SNW1: variants seen among roughly 807,000 people sequenced by gnomAD.
SNW1 encodes SNW domain containing 1, also known as SNW domain-containing protein 1.
Under a neutral mutation model 75.6 loss-of-function variants are expected in SNW1, and 9 were observed. The ratio of observed to expected loss-of-function variants is 0.12; its 90% CI spans 0.07 to 0.21. The LOEUF is 0.21. Ranked by LOEUF, SNW1 falls within the 10% of genes least tolerant of loss-of-function variation. The pLI, the probability that SNW1 is intolerant of heterozygous loss-of-function variation, is 1.00. For missense variants in SNW1, 409 were observed against 670.9 expected (o/e 0.61, Z 4.31); for synonymous variants, 200 against 219.1 (o/e 0.91, Z 0.77).
intron 3 of SNW1, among the ~76,000 whole-genome samples, chr14:77,744,345 C>T (rs1430667596): frequency 2.1e-5 from 3 of 145,884 alleles, no homozygotes; most frequent in African/African-American, 2.5e-5. Context: ...ATCCCAGCTA[C>T]GTGGGATGGT....
intron 2 of SNW1, 25 bp downstream of exon 2, chr14:77,754,942 A>C: frequency 6.5e-7 from 1 of 1,537,314 alleles, no homozygotes; most frequent in South Asian, 1.2e-5. Flanking sequence ...AATTTAACAA[A>C]TCTAAACTTA....
intron 10 of SNW1, among the ~76,000 whole-genome samples, chr14:77,728,232 C>T (rs1459081832): frequency 1.3e-5 from 2 of 152,038 alleles, no homozygotes; most frequent in African/African-American, 4.8e-5. Context: ...GGTGGATCAC[C>T]TGAGGTCAGG....
chr14:77,727,738 T>C (rs1207941526), intron 10 of SNW1, among the ~76,000 whole-genome samples: 2 of 152,224 alleles, frequency 1.3e-5, no homozygotes, highest in African/African-American at 2.4e-5. Context: ...GGATGAAGGA[T>C]AGTTCAGTTG....
intron 11 of SNW1, chr14:77,722,836 A>ATTT: frequency 5.3e-6 from 2 of 374,092 alleles, no homozygotes; most frequent in East Asian, 7.8e-5. Context: ...ATTGGTACAT[A>ATTT]TCTTTTTTTT....
At chr14:77,737,198 A>T (rs149746562) in intron 5 of SNW1, 123 bp from the exon 6 acceptor site, 3 of 645,632 alleles carry the variant, frequency 4.6e-6, no homozygotes, top group Non-Finnish European at 5.5e-6. Context: ...TTAACAGAAA[A>T]TTAACAAAAT....
intron 1 of SNW1, among the ~76,000 whole-genome samples, chr14:77,757,859 A>G (rs1312959949): frequency 6.6e-6 from 1 of 152,144 alleles, no homozygotes. Context: ...ATCTTTTCTT[A>G]AACAAGCCAT....
chr14:77,747,826 C>T (rs1416399293), intron 3 of SNW1, among the ~76,000 whole-genome samples: 32 of 125,848 alleles, frequency 2.5e-4, no homozygotes, highest in Non-Finnish European at 4.6e-4. Context: ...CCGCCCCATC[C>T]GGGAGGTGGG....
intron 3 of SNW1, among the ~76,000 whole-genome samples, chr14:77,746,676 C>T (rs754964520): frequency 2.0e-5 from 3 of 151,130 alleles, no homozygotes; most frequent in Non-Finnish European, 2.9e-5. Flanking sequence ...AACCATGCCA[C>T]GGAATCCTAT....
chr14:77,760,960 G>C, intron 1 of SNW1, 154 bp downstream of exon 1: 4 of 1,559,054 alleles, frequency 2.6e-6, no homozygotes, highest in Non-Finnish European at 3.5e-6. Context: ...AGGCCTAGTC[G>C]TAGCGGCGGC....
chr14:77,759,583 A>T (rs1056285128), intron 1 of SNW1, among the ~76,000 whole-genome samples: 12 of 152,158 alleles, frequency 7.9e-5, no homozygotes, highest in African/African-American at 2.9e-4. Flanking sequence ...TTCAAATTCC[A>T]CCTTTTCCAC....
chr14:77,742,273 C>T (rs915349353), intron 3 of SNW1, among the ~76,000 whole-genome samples: 14 of 151,910 alleles, frequency 9.2e-5, no homozygotes, highest in African/African-American at 2.9e-4. Flanking sequence ...TGACCTCAGG[C>T]GATCCACCCG....
chr14:77,748,685 T>A (rs1206540544), intron 3 of SNW1, among the ~76,000 whole-genome samples: 1 of 152,034 alleles, frequency 6.6e-6, no homozygotes, highest in African/African-American at 2.4e-5. Flanking sequence ...CCTCCCAGGT[T>A]CACGCCATTC....
Position 77,717,810 on chromosome 14 carries a change from C to T in SNW1, c.*278G>A, listed in dbSNP as rs367741943. Reference sequence around the variant, plus strand: ...AACATTAACCCCAAACTACTAGTGTCACATAAAAGTAAGTGGTCTTGACTT... The same window carrying T: ...AACATTAACCCCAAACTACTAGTGTTACATAAAAGTAAGTGGTCTTGACTT... On this transcript the variant is annotated 3_prime_UTR_variant, in exon 14 of 14. Transcript: ENST00000261531. The T allele has an allele frequency of 7.6e-4, 436 of 575,382 alleles. 7 individuals carry two copies. The South Asian group carries it at 9.7e-3, about 13-fold the overall frequency. 35.6% of individuals were successfully genotyped at this position (575,382 alleles called of 1,614,324 possible).
Position 77,717,925 on chromosome 14 carries a change from G to C in SNW1, c.*163C>G. 1 of 628,996 alleles carries C rather than the reference G, an allele frequency of 1.6e-6. No homozygotes were observed. The highest frequency in any genetic ancestry group is 2.7e-6 in the Non-Finnish European group (1 of 375,164). 39.0% of individuals were successfully genotyped at this position (628,996 alleles called of 1,614,324 possible). A position where few individuals can be genotyped will look rare whatever the true frequency, so the allele number is the denominator to read the frequency against. On this transcript the variant is annotated 3_prime_UTR_variant, in exon 14 of 14. Coordinates refer to ENST00000261531, the MANE Select transcript of SNW1 (RefSeq NM_012245.3). ...TTTAAAAAAAACTAAATAATTCAAA[G>C]TAGAATTTTCTATCCCCCCCATTTC...
At chr14:77,749,156 C>T (rs2080787992) in intron 3 of SNW1, among the ~76,000 whole-genome samples, 1 of 152,118 alleles carries the variant, frequency 6.6e-6, no homozygotes, top group African/African-American at 2.4e-5. Context: ...ATTGAACAGT[C>T]ATCAGCATAT....
chr14:77,724,126 A>G (rs2080565424), intron 10 of SNW1, among the ~76,000 whole-genome samples: 1 of 152,220 alleles, frequency 6.6e-6, no homozygotes, highest in South Asian at 2.1e-4. Context: ...TAAATCGGAC[A>G]GACAGATGGA....
chr14:77,755,936 G>A (rs551885199), intron 1 of SNW1, among the ~76,000 whole-genome samples: 11 of 149,212 alleles, frequency 7.4e-5, no homozygotes, highest in Non-Finnish European at 4.5e-5. Context: ...ACAGGGTTTC[G>A]CCATGTTGGC....
intron 1 of SNW1, chr14:77,760,723 C>CCG (rs1566839499): frequency 1.4e-6 from 1 of 702,462 alleles, no homozygotes; most frequent in South Asian, 1.5e-5. Context: ...GGCCGGAAAG[C>CCG]CGCGCAGTCG....
At chr14:77,760,247 G>A (rs2080876403) in intron 1 of SNW1, among the ~76,000 whole-genome samples, 1 of 151,924 alleles carries the variant, frequency 6.6e-6, no homozygotes, top group Admixed American at 6.6e-5. Context: ...ACTGTCATCA[G>A]CCAGAAAAAA....
Sources: allele counts gnomAD v4.1 joint callset (sites outside exome capture counted in the v4.1 genomes callset), GRCh38; gene constraint gnomAD v4.1.1; transcripts MANE v1.5; gene names NCBI Gene and HGNC (gene_info 2026-07-23, HGNC 2026-07-21).